The following PTPRG variants were observed in gnomAD, a reference collection of about 807,000 sequenced individuals.
The protein encoded by PTPRG is protein tyrosine phosphatase receptor type G, also known as receptor-type tyrosine-protein phosphatase gamma.
Under a neutral mutation model 165.3 loss-of-function variants are expected in PTPRG, and 102 were observed. The observed-to-expected ratio is 0.62, with a 90% confidence interval of 0.53 to 0.73. The LOEUF (loss-of-function observed/expected upper bound fraction) is 0.73. Among genes scored for constraint, PTPRG ranks in the 30% least tolerant of loss-of-function variants. The pLI is 0.00. For missense variants in PTPRG, 1,866 were observed against 1,861.4 expected (o/e 1.00, Z -0.05); for synonymous variants, 675 against 669.5 (o/e 1.01, Z -0.13).
At chr3:61,589,731 C>CTG (rs1299422406) in intron 1 of PTPRG, among the ~76,000 whole-genome samples, 2 of 151,910 alleles carry the variant, frequency 1.3e-5, no homozygotes, top group Admixed American at 6.6e-5. Flanking sequence ...CACGTGGCAG[C>CTG]TGCTTAGTGA....
chr3:61,612,776 C>G (rs1011332210), intron 1 of PTPRG, among the ~76,000 whole-genome samples: 2 of 152,046 alleles, frequency 1.3e-5, no homozygotes, highest in Non-Finnish European at 2.9e-5. Flanking sequence ...GGTTGTAAAT[C>G]ATGTGAGAGA....
At chr3:62,055,761 C>A (rs756953622) in intron 4 of PTPRG, among the ~76,000 whole-genome samples, 1 of 152,124 alleles carries the variant, frequency 6.6e-6, no homozygotes, top group Non-Finnish European at 1.5e-5. Context: ...GCATCACTTG[C>A]CTTCATCTTT....
chr3:61,676,237 C>A (rs1329205314), intron 1 of PTPRG, among the ~76,000 whole-genome samples: 3 of 151,668 alleles, frequency 2.0e-5, no homozygotes, highest in Non-Finnish European at 2.9e-5. Context: ...GTGGGCAGAT[C>A]ACGAGGTCAG....
At chr3:62,090,673 G>C (rs1645665328) in intron 5 of PTPRG, among the ~76,000 whole-genome samples, 1 of 152,158 alleles carries the variant, frequency 6.6e-6, no homozygotes, top group African/African-American at 2.4e-5. Context: ...ATAACAGTAG[G>C]TGATATTTAC....
At chr3:61,636,200 G>C (rs1408601951) in intron 1 of PTPRG, among the ~76,000 whole-genome samples, 2 of 152,072 alleles carry the variant, frequency 1.3e-5, no homozygotes, top group Non-Finnish European at 2.9e-5. Flanking sequence ...TATTGAGATA[G>C]AATTCATATA....
chr3:62,180,845 G>A (rs1559612059), intron 8 of PTPRG, among the ~76,000 whole-genome samples: 1 of 152,204 alleles, frequency 6.6e-6, no homozygotes, highest in East Asian at 1.9e-4. Context: ...AGAGCATAAT[G>A]TGGGAAGTCG....
intron 1 of PTPRG, among the ~76,000 whole-genome samples, chr3:61,609,097 T>C (rs994110166): frequency 6.6e-6 from 1 of 152,168 alleles, no homozygotes; most frequent in Non-Finnish European, 1.5e-5. Flanking sequence ...TATGACCTTT[T>C]CCATTTATGA....
At chr3:61,821,371 G>T (rs897127327) in intron 2 of PTPRG, among the ~76,000 whole-genome samples, 2 of 151,980 alleles carry the variant, frequency 1.3e-5, no homozygotes, top group Non-Finnish European at 2.9e-5. Context: ...GGGTTTTACC[G>T]TGTTAGCCAG....
intron 28 of PTPRG, among the ~76,000 whole-genome samples, chr3:62,289,473 C>T (rs9838829): frequency 6.6e-6 from 1 of 152,066 alleles, no homozygotes; most frequent in Non-Finnish European, 1.5e-5. Flanking sequence ...CCAAGTCTTG[C>T]TTATTTGAAC....
chr3:62,251,236 T>A (rs1465767640), intron 15 of PTPRG, among the ~76,000 whole-genome samples: 1 of 152,120 alleles, frequency 6.6e-6, no homozygotes, highest in Admixed American at 6.5e-5. Context: ...ACAAAAAATA[T>A]AAGCCAGGTG....
intron 2 of PTPRG, among the ~76,000 whole-genome samples, chr3:61,824,001 G>A (rs999815840): frequency 7.9e-5 from 12 of 152,126 alleles, no homozygotes; most frequent in Non-Finnish European, 1.8e-4. Flanking sequence ...GCGGGCGCCT[G>A]TAGTCCCAGC....
chr3:61,864,110 C>T (rs924755150), intron 2 of PTPRG, among the ~76,000 whole-genome samples: 8 of 152,082 alleles, frequency 5.3e-5, no homozygotes, highest in African/African-American at 1.9e-4. Context: ...AGTAAAAATA[C>T]CTTACCTACC....
intron 1 of PTPRG, among the ~76,000 whole-genome samples, chr3:61,738,304 A>G (rs1158070693): frequency 0.014 from 1,166 of 84,426 alleles, 147 homozygotes; most frequent in African/African-American, 0.049. Context: ...ATATATATAT[A>G]TATATATACA....
chr3:62,089,689 C>A (rs1327544044), intron 5 of PTPRG, among the ~76,000 whole-genome samples: 1 of 152,154 alleles, frequency 6.6e-6, no homozygotes, highest in African/African-American at 2.4e-5. Context: ...ATTCACTCAC[C>A]TCAACAAGCT....
At chr3:61,892,317 C>T (rs1397797419) in intron 2 of PTPRG, among the ~76,000 whole-genome samples, 1 of 152,186 alleles carries the variant, frequency 6.6e-6, no homozygotes, top group Admixed American at 6.5e-5. Flanking sequence ...GCCTCAGCAT[C>T]CTGGGCTCAA....
chr3:61,677,713 C>G (rs1381803223), intron 1 of PTPRG, among the ~76,000 whole-genome samples: 1 of 152,114 alleles, frequency 6.6e-6, no homozygotes, highest in African/African-American at 2.4e-5. Flanking sequence ...TGGAACAAAC[C>G]AAGCTTCAAA....
intron 4 of PTPRG, among the ~76,000 whole-genome samples, chr3:62,072,334 C>G (rs1024127693): frequency 5.3e-5 from 8 of 152,064 alleles, no homozygotes; most frequent in African/African-American, 1.4e-4. Flanking sequence ...AGTTGTTTTG[C>G]CCCTGTAAAA....
In PTPRG at chr3:62,217,493, T is replaced by G. The variant is rs1326183778; in HGVS notation, c.2156-1358T>G. The G allele has an allele frequency of 1.3e-5, 2 of 152,278 alleles. No homozygotes were observed. The highest frequency in any genetic ancestry group is 4.8e-5 in the African/African-American group (2 of 41,448). 9.4% of individuals were successfully genotyped at this position (152,278 alleles called of 1,614,324 possible). ...TCTTCCCTACTCAGCCTACCTTCTC[T>G]CACCTGGAAACTCAACCTGATTAGC... is the stretch of plus-strand genomic sequence containing the variant. On this transcript the variant is annotated intron_variant, in intron 12 of 29. Coordinates refer to ENST00000474889, the MANE Select transcript of PTPRG (RefSeq NM_002841.4). This position sits in a 1 kb window ranked among gnomAD's most constrained non-coding sequence, Gnocchi z 4.3.
chr3:61,921,780 A>C (rs1165374065), intron 2 of PTPRG, among the ~76,000 whole-genome samples: 4 of 152,184 alleles, frequency 2.6e-5, no homozygotes, highest in African/African-American at 9.7e-5. Flanking sequence ...TTTTTGGAAA[A>C]GGTTCCTCAA....
Sources: allele counts gnomAD v4.1 joint callset (sites outside exome capture counted in the v4.1 genomes callset), GRCh38; gene constraint gnomAD v4.1.1; non-coding constraint Gnocchi (gnomAD v3.1); transcripts MANE v1.5; gene names NCBI Gene and HGNC (gene_info 2026-07-23, HGNC 2026-07-21).